The following OTOGL variants were observed in gnomAD, a reference collection of about 807,000 sequenced individuals.
OTOGL encodes the protein otogelin-like protein.
Under a neutral mutation model 318.5 loss-of-function variants are expected in OTOGL, and 285 were observed. That is an observed-to-expected ratio of 0.89 (90% CI 0.81 to 0.99). The LOEUF (loss-of-function observed/expected upper bound fraction) is 0.99. Ranked by LOEUF, OTOGL falls within the 50% of genes least tolerant of loss-of-function variation. The pLI is 0.00. For missense variants in OTOGL, 2,899 were observed against 2,845.6 expected (o/e 1.02, Z -0.43); for synonymous variants, 987 against 936.5 (o/e 1.05, Z -0.99).
intron 6 of OTOGL, among the ~76,000 whole-genome samples, chr12:80,220,829 A>G (rs1009076195): frequency 6.6e-6 from 1 of 152,136 alleles, no homozygotes; most frequent in Admixed American, 6.6e-5. Context: ...GATACACAAT[A>G]ATTAAACTTG....
chr12:80,327,538 C>T (rs758625772), intron 35 of OTOGL, among the ~76,000 whole-genome samples: 26 of 152,110 alleles, frequency 1.7e-4, no homozygotes, highest in African/African-American at 5.8e-4. Context: ...AATATCTTTT[C>T]AGTGAGTTTA....
In OTOGL at chr12:80,343,029, C is replaced by T. The variant is rs766793067; in HGVS notation, c.5265+867C>T. Among the ~76,000 whole-genome samples, 86 of 151,974 alleles carry T rather than the reference C, an allele frequency of 5.7e-4. 1 individual carries two copies. The highest frequency in any genetic ancestry group is 5.9e-4 in the Admixed American group (9 of 15,244). On this transcript the variant is annotated intron_variant, in intron 44 of 58. Coordinates refer to ENST00000547103, the MANE Select transcript of OTOGL (RefSeq NM_001378609.3). ...CCCGAGTAGCTGGGACTGCAGGTGC[C>T]GGCGACCACGCCCAGCTGATATTTT...
chr12:80,236,271 C>A (rs2137419628), intron 9 of OTOGL, among the ~76,000 whole-genome samples: 1 of 152,226 alleles, frequency 6.6e-6, no homozygotes, highest in Non-Finnish European at 1.5e-5. Flanking sequence ...TCATTTTTTT[C>A]CCAGCATAAT....
At chr12:80,294,280 A>G (rs1885238386) in intron 26 of OTOGL, among the ~76,000 whole-genome samples, 1 of 152,044 alleles carries the variant, frequency 6.6e-6, no homozygotes, top group Non-Finnish European at 1.5e-5. Context: ...GACAAAGCAT[A>G]CAAGATAGAA....
rs1037886039 is a variant in OTOGL at position 80,271,944 on chromosome 12, T to C, written c.2681+134T>C. On this transcript the variant is annotated intron_variant, in intron 24 of 58. Transcript: ENST00000547103. Reference sequence around the variant, plus strand: ...TTAACTGGGTTGGTAGCTAGAAGACTATTGTGATTGTTTTGCTTGGCTCAT... The same window carrying C: ...TTAACTGGGTTGGTAGCTAGAAGACCATTGTGATTGTTTTGCTTGGCTCAT... 4.9e-6 allele frequency: 5 copies of C among 1,011,922 alleles called. No homozygotes were observed. The African/African-American group carries it at 6.6e-5, about 13-fold the overall frequency. The allele number at this position is 1,011,922 out of a possible 1,614,324, so 62.7% of individuals were successfully genotyped here.
At chr12:80,346,095 G>T (rs1889180214) in intron 44 of OTOGL, among the ~76,000 whole-genome samples, 1 of 152,192 alleles carries the variant, frequency 6.6e-6, no homozygotes, top group Non-Finnish European at 1.5e-5. Context: ...TTAAGGGAAT[G>T]AATGCAATAC....
intron 29 of OTOGL, among the ~76,000 whole-genome samples, chr12:80,308,368 G>C (rs927496758): frequency 6.6e-6 from 1 of 151,798 alleles, no homozygotes; most frequent in African/African-American, 2.4e-5. Context: ...CATCCCGGAC[G>C]GGGCGGCAGG....
At chr12:80,352,014 T>C (rs946137351) in intron 44 of OTOGL, among the ~76,000 whole-genome samples, 3 of 152,194 alleles carry the variant, frequency 2.0e-5, no homozygotes, top group Non-Finnish European at 4.4e-5. Context: ...TAGCCCACAG[T>C]GGATATTAGA....
At chr12:80,118,965 T>G (rs1318291635) in intron 1 of OTOGL, among the ~76,000 whole-genome samples, 3 of 152,122 alleles carry the variant, frequency 2.0e-5, no homozygotes, top group African/African-American at 7.2e-5. Flanking sequence ...TAGGATTTTA[T>G]TTATCGAGAA....
chr12:80,129,343 T>A (rs1280783401), intron 1 of OTOGL, among the ~76,000 whole-genome samples: 1 of 152,246 alleles, frequency 6.6e-6, no homozygotes, highest in Non-Finnish European at 1.5e-5. Flanking sequence ...ATAAGACTTG[T>A]CAATACTTTG....
At position 80,231,783 on chromosome 12, in the gene OTOGL, T is replaced by C. The variant is rs111532352; in HGVS notation, c.612-1109T>C. Among the ~76,000 whole-genome samples, 1,077 of 151,608 alleles carry C rather than the reference T, an allele frequency of 7.1e-3. 17 individuals carry two copies. The highest frequency in any genetic ancestry group is 0.025 in the African/African-American group (1,029 of 41,274). On this transcript the variant is annotated intron_variant, in intron 8 of 58. Coordinates refer to ENST00000547103, the MANE Select transcript of OTOGL (RefSeq NM_001378609.3). Reference sequence around the variant, plus strand: ...CCAAGGAGCTGGGACTACAGGCACGTGCACCATGACCAACTAATTTTTTTT... The same window carrying C: ...CCAAGGAGCTGGGACTACAGGCACGCGCACCATGACCAACTAATTTTTTTT...
At chr12:80,324,713 G>A (rs1444085708) in intron 35 of OTOGL, among the ~76,000 whole-genome samples, 10 of 152,108 alleles carry the variant, frequency 6.6e-5, no homozygotes, top group Non-Finnish European at 1.5e-4. Flanking sequence ...GAGGTTATGA[G>A]GAACAAACAG....
chr12:80,159,740 G>GA (rs947441144), intron 1 of OTOGL, among the ~76,000 whole-genome samples: 4 of 151,540 alleles, frequency 2.6e-5, no homozygotes, highest in Admixed American at 6.6e-5. Context: ...CACAGAACTA[G>GA]AAAAAAAATC....
intron 1 of OTOGL, among the ~76,000 whole-genome samples, chr12:80,208,600 T>G (rs1876995504): frequency 6.6e-6 from 1 of 152,200 alleles, no homozygotes; most frequent in Non-Finnish European, 1.5e-5. Context: ...TCTTTTCTCA[T>G]GCCAATGTAA....
At position 80,379,576 on chromosome 12, in the gene OTOGL, C is replaced by CATATAT. The variant is rs10630798; in HGVS notation, c.*1533_*1534insTATATA. The CATATAT allele has an allele frequency of 1.3e-4, 20 of 150,340 alleles. 1 individual carries two copies. Among genetic ancestry groups the CATATAT allele is most frequent in the African/African-American group, 4.9e-4 (20 of 41,042 alleles). The allele number at this position is 150,340 out of a possible 1,614,324, so 9.3% of individuals were successfully genotyped here. Reference sequence around the variant, plus strand: ...TTCAATATTCTCTGATTCCTATTAACATATAGATATATAAAATTAAATGTT... The same window carrying CATATAT: ...TTCAATATTCTCTGATTCCTATTAACATATATATATAGATATATAAAATTAAATGTT... On this transcript the variant is annotated 3_prime_UTR_variant, in exon 59 of 59. Coordinates refer to ENST00000547103, the MANE Select transcript of OTOGL (RefSeq NM_001378609.3).
At position 80,302,688 on chromosome 12, in the gene OTOGL, G is replaced by T; in HGVS notation, c.3118G>T (p.Gly1040Cys). 1 of 1,445,812 alleles carries T rather than the reference G, an allele frequency of 6.9e-7. No homozygotes were observed. Among genetic ancestry groups the T allele is most frequent in the Non-Finnish European group, 9.1e-7 (1 of 1,097,260 alleles). The allele number at this position is 1,445,812 out of a possible 1,614,324, so 89.6% of individuals were successfully genotyped here. Reference sequence around the variant, plus strand: ...ATCTACCTACCAGCTTTGGAAGGCTGGTTACTATATAGTAGTATACTTTCC... The same window carrying T: ...ATCTACCTACCAGCTTTGGAAGGCTTGTTACTATATAGTAGTATACTTTCC... ...NKSTYQLWKAGYYIVVYFPEK... is the reference protein window; with the variant it reads ...NKSTYQLWKACYYIVVYFPEK... The change falls in exon 28 of 59, where the codon GGT becomes TGT. Residue 1040 changes from glycine to cysteine, a missense_variant. Transcript: ENST00000547103.
chr12:80,142,935 A>G (rs917835591), intron 1 of OTOGL, among the ~76,000 whole-genome samples: 1 of 152,134 alleles, frequency 6.6e-6, no homozygotes, highest in Non-Finnish European at 1.5e-5. Flanking sequence ...TGATTTAAAT[A>G]TAAAATTAAA....
At chr12:80,369,109 T>C (rs1482511777) in intron 55 of OTOGL, among the ~76,000 whole-genome samples, 6 of 152,054 alleles carry the variant, frequency 3.9e-5, no homozygotes, top group Admixed American at 3.9e-4. Flanking sequence ...AAATAAATAC[T>C]TCATTTGGTT....
chr12:80,372,389 G>A (rs1269658254), intron 57 of OTOGL, among the ~76,000 whole-genome samples: 3 of 151,854 alleles, frequency 2.0e-5, no homozygotes, highest in African/African-American at 4.8e-5. Context: ...TATTTCATAA[G>A]ATTTCAGTAT....
Sources: gnomAD v4.1 joint callset for allele counts (sites outside exome capture counted in the v4.1 genomes callset) on GRCh38, gnomAD v4.1.1 for gene constraint, MANE v1.5 for transcripts, NCBI Gene and HGNC (gene_info 2026-07-23, HGNC 2026-07-21) for gene names.